GPM6B: variants seen among roughly 807,000 people sequenced by gnomAD.
GPM6B encodes glycoprotein M6B, also known as neuronal membrane glycoprotein M6-b.
GPM6B carries 4 observed loss-of-function variants against 27.2 expected under a neutral mutation model. The ratio of observed to expected loss-of-function variants is 0.15; its 90% CI spans 0.07 to 0.34. The LOEUF (loss-of-function observed/expected upper bound fraction) is 0.34. Ranked by LOEUF, GPM6B falls within the 10% of genes least tolerant of loss-of-function variation. GPM6B has a pLI of 1.00. For missense variants in GPM6B, 183 were observed against 261.9 expected (o/e 0.70, Z 2.08); for synonymous variants, 124 against 103.1 (o/e 1.20, Z -1.23).
chrX:13,783,888 G>C (rs1159872614), intron 3 of GPM6B: 1 of 341,489 alleles, frequency 2.9e-6, no homozygotes, highest in Non-Finnish European at 5.6e-6. Context: ...GGCAAAGCCA[G>C]CATCTGAACC....
chrX:13,771,714 T>A lies in GPM6B; in HGVS notation c.*1167A>T, dbSNP rs1156638594. 1 of 112,490 alleles carries A rather than the reference T, an allele frequency of 8.9e-6. No individual in the cohort carries two copies. The highest frequency in any genetic ancestry group is 1.9e-5 in the Non-Finnish European group (1 of 53,198). The allele number at this position is 112,490 out of a possible 1,213,427, so 9.3% of individuals were successfully genotyped here. A position where few individuals can be genotyped will look rare whatever the true frequency, so the allele number is the denominator to read the frequency against. On this transcript the variant is annotated 3_prime_UTR_variant, in exon 8 of 8. Coordinates refer to ENST00000316715, the MANE Select transcript of GPM6B (RefSeq NM_001001995.3). ...CTAATACCCAGTACCTACAGTCACT[T>A]AATGTTCTGGAACACAATAATGTAA...
At chrX:13,869,699 G>T (rs1418801476) in intron 1 of GPM6B, among the ~76,000 whole-genome samples, 1 of 111,742 alleles carries the variant, frequency 8.9e-6, no homozygotes, top group African/African-American at 3.3e-5. Flanking sequence ...TGTTGGTTTT[G>T]AGATAAATTC....
chrX:13,781,613 A>G (rs1018447978), intron 4 of GPM6B, among the ~76,000 whole-genome samples: 30 of 111,539 alleles, frequency 2.7e-4, no homozygotes, highest in Non-Finnish European at 5.1e-4. Flanking sequence ...TGTATATTCA[A>G]TGAAAGGCTA....
chrX:13,857,913 G>C (rs547521387), intron 1 of GPM6B, among the ~76,000 whole-genome samples: 1 of 112,251 alleles, frequency 8.9e-6, no homozygotes, highest in African/African-American at 3.2e-5. Context: ...ACCGCAATAA[G>C]GATTAGTTCA....
chrX:13,783,125 T>C (rs980562791), intron 4 of GPM6B, among the ~76,000 whole-genome samples: 1 of 112,642 alleles, frequency 8.9e-6, no homozygotes, highest in African/African-American at 3.2e-5. Flanking sequence ...CAGCACCCTT[T>C]TCACCTTTAC....
intron 1 of GPM6B, among the ~76,000 whole-genome samples, chrX:13,894,619 C>T (rs1293534699): frequency 8.9e-6 from 1 of 112,168 alleles, no homozygotes; most frequent in Non-Finnish European, 1.9e-5. Flanking sequence ...CAAATTAAAT[C>T]ATAGCCTCAC....
At chrX:13,842,375 C>T (rs770301864) in intron 1 of GPM6B, among the ~76,000 whole-genome samples, 27 of 111,539 alleles carry the variant, frequency 2.4e-4, no homozygotes, top group Middle Eastern at 4.6e-3. Flanking sequence ...GAAAATTTGG[C>T]GAAATATATC....
At chrX:13,903,700 C>T (rs780799355) in intron 1 of GPM6B, among the ~76,000 whole-genome samples, 1 of 111,985 alleles carries the variant, frequency 8.9e-6, no homozygotes, top group Non-Finnish European at 1.9e-5. Flanking sequence ...AATCACAGAT[C>T]CATTGGATTC....
intron 1 of GPM6B, among the ~76,000 whole-genome samples, chrX:13,866,815 G>A (rs2049925297): frequency 9.0e-6 from 1 of 111,712 alleles, no homozygotes; most frequent in African/African-American, 3.3e-5. Flanking sequence ...GATACTTGGA[G>A]AACTTGAAGA....
intron 1 of GPM6B, among the ~76,000 whole-genome samples, chrX:13,897,131 C>T (rs1273545527): frequency 8.9e-6 from 1 of 112,183 alleles, no homozygotes; most frequent in Non-Finnish European, 1.9e-5. Context: ...CAATTGGGCT[C>T]AGTCTGTAAA....
chrX:13,937,228 G>A (rs1011905025), intron 1 of GPM6B, among the ~76,000 whole-genome samples: 13 of 111,884 alleles, frequency 1.2e-4, no homozygotes, highest in Non-Finnish European at 5.6e-5. Context: ...GTTGGATTTG[G>A]TGGGCCTTAT....
At position 13,871,870 on chromosome X, in the gene GPM6B, T is replaced by C. The variant is rs1005873393; in HGVS notation, c.-198+66457A>G. 3.6e-5 allele frequency among the ~76,000 whole-genome samples: 4 copies of C among 111,919 alleles called. No homozygotes were observed. In the East Asian group the frequency reaches 1.1e-3, roughly 32 times the overall value. ...CTGGGCTAGAGAATTAAATGAGCAG[T>C]AGCCCTTGATTCCAAGGAAGGGTGA... On this transcript the variant is annotated intron_variant, in intron 1 of 6. Transcript: ENST00000398361.
intron 1 of GPM6B, among the ~76,000 whole-genome samples, chrX:13,937,768 C>T (rs967265009): frequency 4.5e-5 from 5 of 111,455 alleles, no homozygotes; most frequent in Admixed American, 3.8e-4. Flanking sequence ...CTTACACCAG[C>T]CTCGGGCCAG....
intron 2 of GPM6B, among the ~76,000 whole-genome samples, chrX:13,796,022 G>A (rs1321821954): frequency 9.0e-6 from 1 of 111,536 alleles, no homozygotes; most frequent in Admixed American, 9.5e-5. Context: ...AGCCTCCCAG[G>A]TTCAAGCGAT....
intron 1 of GPM6B, among the ~76,000 whole-genome samples, chrX:13,908,837 T>C (rs138045221): frequency 0.014 from 1,601 of 112,411 alleles, 12 homozygotes; most frequent in Non-Finnish European, 0.024. Context: ...GCCTCAGAAA[T>C]ACTTAACACA....
intron 1 of GPM6B, among the ~76,000 whole-genome samples, chrX:13,909,249 G>T (rs1392057813): frequency 1.9e-5 from 2 of 105,810 alleles, no homozygotes; most frequent in East Asian, 6.0e-4. Flanking sequence ...TCTGCCTCCT[G>T]AGTAGCTGGG....
intron 1 of GPM6B, among the ~76,000 whole-genome samples, chrX:13,917,794 A>G (rs909079398): frequency 5.3e-5 from 6 of 112,279 alleles, no homozygotes; most frequent in African/African-American, 1.9e-4. Context: ...GACACAACTC[A>G]TGGTTTTAAT....
At chrX:13,868,860 A>AG (rs1448996455) in intron 1 of GPM6B, among the ~76,000 whole-genome samples, 1 of 112,126 alleles carries the variant, frequency 8.9e-6, no homozygotes, top group East Asian at 2.8e-4. Context: ...TGGGACTCTA[A>AG]GGACATTTCT....
At chrX:13,835,759 G>C (rs1322960552) in intron 1 of GPM6B, among the ~76,000 whole-genome samples, 1 of 112,056 alleles carries the variant, frequency 8.9e-6, no homozygotes, top group Admixed American at 9.5e-5. Flanking sequence ...CCATCATCAG[G>C]GTTTTGCCTG....
Sources: allele counts gnomAD v4.1 joint callset (sites outside exome capture counted in the v4.1 genomes callset), GRCh38; gene constraint gnomAD v4.1.1; transcripts MANE v1.5; gene names NCBI Gene and HGNC (gene_info 2026-07-23, HGNC 2026-07-21).